Variants in CPLX1 observed in about 807,000 individuals in gnomAD.
The protein encoded by CPLX1 is complexin-1.
CPLX1 carries 6 observed loss-of-function variants against 15.6 expected under a neutral mutation model. That is an observed-to-expected ratio of 0.39 (90% CI 0.21 to 0.76). CPLX1 has a LOEUF of 0.76. Ranked by LOEUF, CPLX1 falls within the 30% of genes least tolerant of loss-of-function variation. The probability of loss-of-function intolerance (pLI) is 0.43; values close to 1 mark genes in which losing one functional copy is unlikely to be tolerated. For synonymous variants in CPLX1, 91 were observed against 75.2 expected (o/e 1.21, Z -1.08); for missense variants, 242 against 188.6 (o/e 1.28, Z -1.66).
chr4:812,137 C>T (rs537653413), intron 2 of CPLX1, among the ~76,000 whole-genome samples: 2 of 152,186 alleles, frequency 1.3e-5, no homozygotes, highest in East Asian at 1.9e-4. Context: ...TGCAGTGGTG[C>T]GATCTCAGCT....
intron 3 of CPLX1, among the ~76,000 whole-genome samples, chr4:788,753 G>A (rs1044210186): frequency 2.3e-4 from 31 of 132,884 alleles, no homozygotes; most frequent in Admixed American, 2.0e-3. Flanking sequence ...AGCTAGGTCC[G>A]GCCAGAGAGC....
chr4:795,362 G>C (rs910706004), intron 2 of CPLX1, among the ~76,000 whole-genome samples: 1 of 152,142 alleles, frequency 6.6e-6, no homozygotes, highest in Non-Finnish European at 1.5e-5. Flanking sequence ...GACACCCCGC[G>C]ACCCCGCCGG....
At chr4:815,429 AAG>A (rs1553854436) in intron 2 of CPLX1, among the ~76,000 whole-genome samples, 1 of 151,566 alleles carries the variant, frequency 6.6e-6, no homozygotes, top group East Asian at 1.9e-4. Flanking sequence ...AAAAAAAAAA[AAG>A]AACTACAGAA....
At chr4:825,878 AGGAGCTGGGC>A (rs1746975118) in intron 1 of CPLX1, among the ~76,000 whole-genome samples, 158 bp downstream of exon 1, 7 of 25,554 alleles carry the variant, frequency 2.7e-4, no homozygotes, top group South Asian at 1.4e-3. Flanking sequence ...GGCCGGGGGG[AGGAGCTGGGC>A]GAAGCCGGGG....
chr4:813,006 C>T lies in CPLX1; in HGVS notation c.31+11486G>A, dbSNP rs931989782. 5.9e-5 allele frequency among the ~76,000 whole-genome samples: 9 copies of T among 152,246 alleles called. No homozygotes were observed. In the East Asian group the frequency reaches 1.7e-3, roughly 29 times the overall value. On this transcript the variant is annotated intron_variant, in intron 2 of 3. Coordinates refer to ENST00000304062, the MANE Select transcript of CPLX1 (RefSeq NM_006651.4). ...AACAGGCTGGGAGCGGTGGCTCACA[C>T]CTGTAATCCCAGGACTTTGGGAGGC...
chr4:792,931 G>A (rs765213031), intron 2 of CPLX1, among the ~76,000 whole-genome samples: 32 of 152,268 alleles, frequency 2.1e-4, no homozygotes, highest in African/African-American at 5.5e-4. Context: ...GTGCTTATGC[G>A]TACGTGTGGC....
At chr4:791,090 C>G (rs537479314) in intron 3 of CPLX1, among the ~76,000 whole-genome samples, 1 of 146,198 alleles carries the variant, frequency 6.8e-6, no homozygotes, top group Non-Finnish European at 1.5e-5. Flanking sequence ...CACAGTCTCC[C>G]GAGCACATCC....
intron 2 of CPLX1, among the ~76,000 whole-genome samples, chr4:806,785 T>C (rs376154889): frequency 1.4e-4 from 22 of 152,348 alleles, no homozygotes; most frequent in African/African-American, 5.3e-4. Context: ...TACCATCTCA[T>C]ACCAGTCAGT....
intron 3 of CPLX1, chr4:787,363 G>A: frequency 1.0e-6 from 1 of 985,452 alleles, no homozygotes; most frequent in South Asian, 4.7e-5. Flanking sequence ...TCTCCCGTGA[G>A]TGCGTCTGCC....
At chr4:821,926 C>T (rs573802917) in intron 2 of CPLX1, among the ~76,000 whole-genome samples, 210 of 152,330 alleles carry the variant, frequency 1.4e-3, no homozygotes, top group African/African-American at 4.9e-3. Context: ...TTTAACCAGG[C>T]CTGTCCCCCT....
chr4:793,652 G>A (rs932523475), intron 2 of CPLX1, among the ~76,000 whole-genome samples: 2 of 152,184 alleles, frequency 1.3e-5, no homozygotes, highest in Non-Finnish European at 2.9e-5. Context: ...AGCGTTGCAG[G>A]GGTGCTCCTG....
At chr4:788,849 A>G (rs1222745558) in intron 3 of CPLX1, among the ~76,000 whole-genome samples, 1 of 152,202 alleles carries the variant, frequency 6.6e-6, no homozygotes, top group Non-Finnish European at 1.5e-5. Context: ...CCACAGCAAA[A>G]GCACTCAGGA....
At chr4:818,156 C>G (rs1189827173) in intron 2 of CPLX1, among the ~76,000 whole-genome samples, 3 of 152,246 alleles carry the variant, frequency 2.0e-5, no homozygotes, top group Non-Finnish European at 2.9e-5. Flanking sequence ...CGAGAGGCCC[C>G]AGTGCAGCTG....
chr4:796,960 A>G (rs1416510601), intron 2 of CPLX1, among the ~76,000 whole-genome samples: 1 of 152,160 alleles, frequency 6.6e-6, no homozygotes, highest in South Asian at 2.1e-4. Flanking sequence ...CCCCACAGAC[A>G]CAGGACCCCC....
chr4:800,778 CACAT>C (rs1301908936), intron 2 of CPLX1, among the ~76,000 whole-genome samples: 3 of 146,626 alleles, frequency 2.0e-5, no homozygotes, highest in Non-Finnish European at 1.5e-5. Flanking sequence ...CACACACAGA[CACAT>C]ATATGTGTAT....
At chr4:824,740 G>A (rs1746942549) in intron 1 of CPLX1, 139 bp from the exon 2 acceptor site, 3 of 696,416 alleles carry the variant, frequency 4.3e-6, no homozygotes, top group Non-Finnish European at 2.6e-6. Flanking sequence ...GAAGTCCTTC[G>A]TGAGGGGCTT....
rs1746052247 is a variant in CPLX1 at position 787,961 on chromosome 4, A to C, written c.208-1263T>G. The C allele has an allele frequency of 3.0e-6, 3 of 985,290 alleles. No homozygotes were observed. In the South Asian group the frequency reaches 1.4e-4, roughly 46 times the overall value. The allele number at this position is 985,290 out of a possible 1,614,324, so 61.0% of individuals were successfully genotyped here. ...ATCCCCTGAACAGGACCCCCGGGCC[A>C]GGTCCAAGGTCCTGGATCTGAGATT... On this transcript the variant is annotated intron_variant, in intron 3 of 3. Transcript: ENST00000304062.
At chr4:818,970 G>A (rs1746812609) in intron 2 of CPLX1, among the ~76,000 whole-genome samples, 1 of 152,250 alleles carries the variant, frequency 6.6e-6, no homozygotes. Flanking sequence ...TCTCCGTGTG[G>A]ACCAGGAGAC....
At chr4:793,861 G>A (rs143585450) in intron 2 of CPLX1, among the ~76,000 whole-genome samples, 146 of 152,342 alleles carry the variant, frequency 9.6e-4, no homozygotes, top group African/African-American at 3.5e-3. Context: ...GACCAGCTGA[G>A]CCCATGCCTC....
Sources: gnomAD v4.1 joint callset for allele counts (sites outside exome capture counted in the v4.1 genomes callset) on GRCh38, gnomAD v4.1.1 for gene constraint, MANE v1.5 for transcripts, NCBI Gene and HGNC (gene_info 2026-07-23, HGNC 2026-07-21) for gene names.